Variants in CNTLN observed in about 807,000 individuals in gnomAD.
The protein encoded by CNTLN is centlein, also known as centlein, centrosomal protein.
Under a neutral mutation model 180.0 loss-of-function variants are expected in CNTLN, and 212 were observed. The observed-to-expected ratio is 1.18, with a 90% CI of 1.05 to 1.32. CNTLN has a LOEUF of 1.32. Among genes scored for constraint, CNTLN ranks in the 40% most tolerant of loss-of-function variants. CNTLN has a pLI of 0.00. For synonymous variants in CNTLN, 722 were observed against 563.1 expected (o/e 1.28, Z -3.99); for missense variants, 2,095 against 1,610.9 (o/e 1.30, Z -5.14).
At chr9:17,201,836 C>G (rs575696839) in intron 2 of CNTLN, among the ~76,000 whole-genome samples, 2 of 152,156 alleles carry the variant, frequency 1.3e-5, no homozygotes, top group East Asian at 3.9e-4. Context: ...CTGTCTCCTT[C>G]AATTCTGCTC....
In CNTLN at chr9:17,368,649, A is replaced by AAG. The variant is rs1397593824; in HGVS notation, c.1987+1942_1987+1943dup. Among the ~76,000 whole-genome samples the AAG allele has an allele frequency of 3.3e-5, 5 of 152,272 alleles. No homozygotes were observed. The East Asian group carries it at 9.7e-4, about 29-fold the overall frequency. On this transcript the variant is annotated intron_variant, in intron 13 of 25. Transcript: ENST00000380647. The stretch of plus-strand genomic sequence containing the variant: ...ATCCCCAGCTCCAGAAGGCTCAGCA[A>AAG]AGAGAGAGAGACTCTGTTTGTTTGG...
intron 2 of CNTLN, among the ~76,000 whole-genome samples, chr9:17,173,128 C>G (rs1167810117): frequency 6.6e-6 from 1 of 152,004 alleles, no homozygotes; most frequent in Non-Finnish European, 1.5e-5. Flanking sequence ...ATTGGAAAGC[C>G]AGAAATGTTG....
intron 25 of CNTLN, among the ~76,000 whole-genome samples, chr9:17,494,262 C>T (rs1489854271): frequency 2.0e-5 from 3 of 152,178 alleles, no homozygotes; most frequent in African/African-American, 7.2e-5. Flanking sequence ...CCATTGCCTA[C>T]TATAGAGTAA....
At chr9:17,375,859 A>G (rs1354074104) in intron 13 of CNTLN, among the ~76,000 whole-genome samples, 1 of 152,228 alleles carries the variant, frequency 6.6e-6, no homozygotes, top group East Asian at 1.9e-4. Flanking sequence ...TAAAGCCAAG[A>G]TAACTATATT....
At chr9:17,360,071 T>C (rs575532026) in intron 12 of CNTLN, among the ~76,000 whole-genome samples, 18 of 152,210 alleles carry the variant, frequency 1.2e-4, no homozygotes, top group Non-Finnish European at 2.5e-4. Context: ...TATTGTATGT[T>C]GCAATATAGA....
rs983253814 is a variant in CNTLN at position 17,252,035 on chromosome 9, C to A, written c.849+15447C>A. Among the ~76,000 whole-genome samples the A allele has an allele frequency of 2.0e-5, 3 of 151,934 alleles. 1 individual carries two copies. In the Middle Eastern group the frequency reaches 0.01, roughly 517 times the overall value. On this transcript the variant is annotated intron_variant, in intron 5 of 25. Coordinates refer to ENST00000380647, the MANE Select transcript of CNTLN (RefSeq NM_017738.4). ...TTATTTATTGTAATGACCTTCAGTT[C>A]CATCCATGCTACTTCAAATGGTATG...
chr9:17,243,781 C>T (rs542915502), intron 5 of CNTLN, among the ~76,000 whole-genome samples: 5 of 152,248 alleles, frequency 3.3e-5, no homozygotes, highest in African/African-American at 7.2e-5. Context: ...ATGTGTATTT[C>T]GCAGCCATTG....
At chr9:17,249,675 T>C (rs1246968657) in intron 5 of CNTLN, among the ~76,000 whole-genome samples, 1 of 151,940 alleles carries the variant, frequency 6.6e-6, no homozygotes, top group Non-Finnish European at 1.5e-5. Context: ...TTCCACATAC[T>C]TGTGTATTTT....
At chr9:17,358,348 G>T (rs4961545) in intron 12 of CNTLN, among the ~76,000 whole-genome samples, 90,845 of 151,848 alleles carry the variant, frequency 0.6, 27,422 homozygotes, top group East Asian at 0.73. Context: ...AAAGTTGATT[G>T]AAAAGAAGAA....
the CNTLN span, among the ~76,000 whole-genome samples, chr9:17,512,359 T>A: frequency 6.6e-6 from 1 of 152,334 alleles, no homozygotes; most frequent in South Asian, 2.1e-4. Context: ...TGACATCATT[T>A]CCTTTGCAGC....
chr9:17,526,639 A>C, the CNTLN span, among the ~76,000 whole-genome samples: 1 of 152,206 alleles, frequency 6.6e-6, no homozygotes, highest in Non-Finnish European at 1.5e-5. Context: ...TGTAATGGGA[A>C]TCATTTGAAA....
At chr9:17,508,928 C>G in the CNTLN span, among the ~76,000 whole-genome samples, 2 of 152,182 alleles carry the variant, frequency 1.3e-5, no homozygotes, top group African/African-American at 4.8e-5. Context: ...AGATGGACCC[C>G]TCTGAATGAG....
intron 8 of CNTLN, among the ~76,000 whole-genome samples, chr9:17,321,108 T>G (rs961942421): frequency 6.6e-6 from 1 of 152,242 alleles, no homozygotes; most frequent in African/African-American, 2.4e-5. Context: ...AGTTTTCTTT[T>G]GTAAATATTC....
At chr9:17,359,761 G>A (rs971735280) in intron 12 of CNTLN, among the ~76,000 whole-genome samples, 6 of 43,900 alleles carry the variant, frequency 1.4e-4, no homozygotes, top group Non-Finnish European at 3.6e-4. Flanking sequence ...CTAGCTGGGT[G>A]TAGTGGCGGG....
chr9:17,194,534 A>C (rs552257259), intron 2 of CNTLN, among the ~76,000 whole-genome samples: 66 of 152,098 alleles, frequency 4.3e-4, no homozygotes, highest in Non-Finnish European at 7.9e-4. Flanking sequence ...CAAGTTCCTC[A>C]TCTCCATCGG....
chr9:17,251,343 A>G (rs1826128969), intron 5 of CNTLN, among the ~76,000 whole-genome samples: 1 of 151,846 alleles, frequency 6.6e-6, no homozygotes. Flanking sequence ...TAGTATTTCT[A>G]CCATTTTCTT....
intron 13 of CNTLN, among the ~76,000 whole-genome samples, chr9:17,376,834 G>C (rs1824814205): frequency 1.3e-5 from 2 of 152,058 alleles, no homozygotes; most frequent in African/African-American, 2.4e-5. Flanking sequence ...TTTTGAAAAA[G>C]AGATTTACAT....
rs1163147038 is a variant in CNTLN at position 17,341,095 on chromosome 9, A to G, written c.1766+147A>G. 4.7e-6 allele frequency: 3 copies of G among 638,626 alleles called. No individual in the cohort carries two copies. The South Asian group carries it at 1.3e-4, about 28-fold the overall frequency. 39.6% of individuals were successfully genotyped at this position (638,626 alleles called of 1,614,324 possible). A position where few individuals can be genotyped will look rare whatever the true frequency, so the allele number is the denominator to read the frequency against. ...TTGTGAATTTTTAAATGGAGAATAT[A>G]ACAAATTAAAACAGAGGAATGTGTT... On this transcript the variant is annotated intron_variant, in intron 11 of 25. Coordinates refer to ENST00000380647, the MANE Select transcript of CNTLN (RefSeq NM_017738.4).
At chr9:17,420,166 C>T (rs1407433836) in intron 18 of CNTLN, among the ~76,000 whole-genome samples, 2 of 152,162 alleles carry the variant, frequency 1.3e-5, no homozygotes, top group African/African-American at 4.8e-5. Context: ...CCACCCACAC[C>T]AGCCTCCCAA....
Sources: allele counts gnomAD v4.1 joint callset (sites outside exome capture counted in the v4.1 genomes callset), GRCh38; gene constraint gnomAD v4.1.1; transcripts MANE v1.5; gene names NCBI Gene and HGNC (gene_info 2026-07-23, HGNC 2026-07-21).